MPI: variants seen among roughly 807,000 people sequenced by gnomAD.
MPI encodes the protein mannose phosphate isomerase.
In MPI, 33 loss-of-function variants were observed where a neutral mutation model predicts 40.1. The ratio of observed to expected loss-of-function variants is 0.82; its 90% CI spans 0.62 to 1.10. The LOEUF (loss-of-function observed/expected upper bound fraction) is 1.10. MPI is among the 50% of genes least tolerant of loss of function. The probability of loss-of-function intolerance (pLI) is 0.00; values close to 1 mark genes in which losing one functional copy is unlikely to be tolerated. For missense variants in MPI, 514 were observed against 524.1 expected (o/e 0.98, Z 0.19); for synonymous variants, 187 against 207.4 (o/e 0.90, Z 0.85).
At chr15:74,894,848 GCCA>G (rs2064793967) in intron 5 of MPI, among the ~76,000 whole-genome samples, 1 of 151,828 alleles carries the variant, frequency 6.6e-6, no homozygotes, top group African/African-American at 2.4e-5. Flanking sequence ...GTCCACCCTT[GCCA>G]CTCTACCCAG....
chr15:74,893,352 A>G lies in MPI; in HGVS notation c.670+32A>G, dbSNP rs780961851. On this transcript the variant is annotated intron_variant, in intron 5 of 7. Coordinates refer to ENST00000352410, the MANE Select transcript of MPI (RefSeq NM_002435.3). ...ACAGTTATATTCCTGGTTGGGTGCA[A>G]TGCTCTGGCCTGGGCTTCCCAGCAG... The G allele has an allele frequency of 6.8e-6, 11 of 1,612,410 alleles. No homozygotes were observed. In the South Asian group the frequency reaches 7.7e-5, roughly 11 times the overall value.
chr15:74,892,831 C>T (rs200225426), intron 4 of MPI, 29 bp downstream of exon 4: 25 of 1,614,122 alleles, frequency 1.5e-5, no homozygotes, highest in Non-Finnish European at 2.0e-5. Flanking sequence ...TGAAGGCATG[C>T]GTACTGGGCC....
chr15:74,896,019 A>G (rs1417288900), intron 5 of MPI, 133 bp from the exon 6 acceptor site: 6 of 1,025,178 alleles, frequency 5.9e-6, no homozygotes, highest in Non-Finnish European at 7.5e-6. Context: ...AGGCGTGGCC[A>G]GAAGGACAGG....
Position 74,896,140 on chromosome 15 carries a change from T to C in MPI, c.671-12T>C. The C allele has an allele frequency of 1.2e-6, 2 of 1,613,914 alleles. No homozygotes were observed. The highest frequency in any genetic ancestry group is 2.2e-5 in the East Asian group (1 of 44,880). Reference sequence around the variant, plus strand: ...CCCCCTAAGTGACCTTGGGGTGCTCTGTGACCCTCAGCGGCTGCCGGAAAC... The same window carrying C: ...CCCCCTAAGTGACCTTGGGGTGCTCCGTGACCCTCAGCGGCTGCCGGAAAC... On this transcript the variant is annotated splice_polypyrimidine_tract_variant and intron_variant, in intron 5 of 7. Coordinates refer to ENST00000352410, the MANE Select transcript of MPI (RefSeq NM_002435.3).
At chr15:74,896,077 TC>T (rs2064813003) in intron 5 of MPI, 74 bp from the exon 6 acceptor site, 1 of 1,572,260 alleles carries the variant, frequency 6.4e-7, no homozygotes, top group Non-Finnish European at 8.7e-7. Flanking sequence ...TTCCTAGGAC[TC>T]CCTGGCCAAT....
rs2064781779 is a variant in MPI at position 74,894,175 on chromosome 15, C to G, written c.670+855C>G. On this transcript the variant is annotated intron_variant, in intron 5 of 7. Transcript: ENST00000352410. ...CTTGGCTCACTGCAGCCTCTGCCTC[C>G]CGGGTTCAAGCAATTCTCCTGCTTC... 1.4e-5 allele frequency among the ~76,000 whole-genome samples: 2 copies of G among 144,506 alleles called. 1 individual carries two copies. The highest frequency in any genetic ancestry group is 3.1e-5 in the Non-Finnish European group (2 of 64,154). The allele number at this position is 144,506 out of a possible 152,430, so 94.8% of individuals were successfully genotyped here.
Position 74,891,384 on chromosome 15 carries a change from G to C in MPI, c.150G>C (p.Trp50Cys). 6.2e-7 allele frequency: 1 copy of C among 1,614,048 alleles called. No individual in the cohort carries two copies. Among genetic ancestry groups the C allele is most frequent in the Non-Finnish European group, 8.5e-7 (1 of 1,180,028 alleles). Residue 50 changes from tryptophan (W) to cysteine (C), a missense_variant, in exon 3 of 8, where the codon TGG becomes TGC. Coordinates refer to ENST00000352410, the MANE Select transcript of MPI (RefSeq NM_002435.3). ...CAAGTTTCCTGTCTTTCCAGTTGTG[G>C]ATGGGGACTCACCCCCGAGGGGATG... Reference protein sequence around the residue: ...IAEDKPYAELWMGTHPRGDAK... With the variant: ...IAEDKPYAELCMGTHPRGDAK...
At chr15:74,894,039 A>T (rs62004162) in intron 5 of MPI, among the ~76,000 whole-genome samples, 4,545 of 56,754 alleles carry the variant, frequency 0.08, 843 homozygotes, top group East Asian at 0.32. Context: ...TTTTCTGTTC[A>T]GTGTGTGTGT....
intron 5 of MPI, chr15:74,895,937 G>T: frequency 1.7e-6 from 1 of 601,814 alleles, no homozygotes; most frequent in South Asian, 1.9e-5. Context: ...CATATGAATA[G>T]TCAAGATATG....
intron 4 of MPI, 71 bp downstream of exon 4, chr15:74,892,873 C>T (rs2064748207): frequency 1.9e-6 from 3 of 1,609,104 alleles, no homozygotes; most frequent in Admixed American, 3.3e-5. Context: ...ATGATAGGAA[C>T]AGTGGCTGAG....
At position 74,901,980 on chromosome 15, in the gene MPI, A is replaced by C; in HGVS notation, c.*4250A>C. On this transcript the variant is annotated 3_prime_UTR_variant, in exon 8 of 8. Coordinates refer to ENST00000352410, the MANE Select transcript of MPI (RefSeq NM_002435.3). ...CGGTTGGACCAGTTGGGGATGCCCCAGGTCCAGGGATTCTGGAAGCCAGGA... is the reference window on the plus strand; with the variant it reads ...CGGTTGGACCAGTTGGGGATGCCCCCGGTCCAGGGATTCTGGAAGCCAGGA... 2.5e-6 allele frequency: 1 copy of C among 397,244 alleles called. No homozygotes were observed. The highest frequency in any genetic ancestry group is 3.6e-5 in the East Asian group (1 of 28,056). 24.6% of individuals were successfully genotyped at this position (397,244 alleles called of 1,614,324 possible). A position where few individuals can be genotyped will look rare whatever the true frequency, so the allele number is the denominator to read the frequency against.
chr15:74,890,438 T>G (rs2064706971), intron 1 of MPI, 89 bp from the exon 2 acceptor site: 1 of 1,571,228 alleles, frequency 6.4e-7, no homozygotes, highest in African/African-American at 1.4e-5. Flanking sequence ...CTGTCCCCAG[T>G]GAGCACCCCC....
chr15:74,890,371 C>A, intron 1 of MPI, 156 bp from the exon 2 acceptor site: 1 of 995,948 alleles, frequency 1.0e-6, no homozygotes, highest in South Asian at 1.4e-5. Flanking sequence ...TTGGGAACAT[C>A]GAGGCCTGCA....
At position 74,893,017 on chromosome 15, in the gene MPI, T is replaced by G. The variant is rs746681104; in HGVS notation, c.488-121T>G. The G allele has an allele frequency of 3.9e-4, 549 of 1,395,224 alleles. 1 individual carries two copies. Among genetic ancestry groups the G allele is most frequent in the Non-Finnish European group, 4.8e-4 (482 of 997,308 alleles). 86.4% of individuals were successfully genotyped at this position (1,395,224 alleles called of 1,614,324 possible). A position where few individuals can be genotyped will look rare whatever the true frequency, so the allele number is the denominator to read the frequency against. The stretch of plus-strand genomic sequence containing the variant: ...GAGTGATTGGTTTCCACTGCAAAGT[T>G]TACTTAGCATTGCCGGCTCTTTGGT... On this transcript the variant is annotated intron_variant, in intron 4 of 7. Coordinates refer to ENST00000352410, the MANE Select transcript of MPI (RefSeq NM_002435.3).
At chr15:74,892,635 C>G in intron 3 of MPI, 26 bp from the exon 4 acceptor site, 1 of 1,613,688 alleles carries the variant, frequency 6.2e-7, no homozygotes, top group Non-Finnish European at 8.5e-7. Context: ...CCTCACCATC[C>G]TCCTCTTCCC....
intron 6 of MPI, chr15:74,896,730 C>T (rs2141207774): frequency 1.6e-6 from 1 of 608,992 alleles, no homozygotes; most frequent in South Asian, 2.0e-5. Context: ...GCTGCTTATC[C>T]ACACATGCCT....
intron 6 of MPI, chr15:74,896,590 T>C: frequency 1.6e-6 from 1 of 641,570 alleles, no homozygotes; most frequent in South Asian, 1.8e-5. Flanking sequence ...GGAACCACAA[T>C]TTGAACGCAG....
Position 74,894,661 on chromosome 15 carries a change from C to T in MPI, c.670+1341C>T, listed in dbSNP as rs536504601. Among the ~76,000 whole-genome samples the T allele has an allele frequency of 7.0e-4, 105 of 149,296 alleles. 1 individual carries two copies. Among genetic ancestry groups the T allele is most frequent in the Admixed American group, 6.7e-3 (100 of 14,988 alleles). On this transcript the variant is annotated intron_variant, in intron 5 of 7. Coordinates refer to ENST00000352410, the MANE Select transcript of MPI (RefSeq NM_002435.3). ...AAAATGCTGGGCATGGTGGTGTGTG[C>T]CTGTAATCCCAGCTACTCAGGAGGC...
At chr15:74,890,147 C>T (rs762953467) in intron 1 of MPI, 58 bp downstream of exon 1, 44 of 1,601,912 alleles carry the variant, frequency 2.7e-5, no homozygotes, top group Non-Finnish European at 3.7e-5. Flanking sequence ...CTGGGGACGA[C>T]TCCCGGCATT....
Sources: allele counts gnomAD v4.1 joint callset (sites outside exome capture counted in the v4.1 genomes callset), GRCh38; gene constraint gnomAD v4.1.1; transcripts MANE v1.5; gene names NCBI Gene and HGNC (gene_info 2026-07-23, HGNC 2026-07-21).